RPH3AL: variants seen among roughly 807,000 people sequenced by gnomAD.
RPH3AL encodes the protein rab effector Noc2.
RPH3AL carries 38 observed loss-of-function variants against 43.1 expected under a neutral mutation model. The ratio of observed to expected loss-of-function variants is 0.88; its 90% CI spans 0.68 to 1.15. The LOEUF is 1.15. Ranked by LOEUF, RPH3AL falls within the 50% of genes most tolerant of loss-of-function variation. The probability of loss-of-function intolerance (pLI) is 0.00; values close to 1 mark genes in which losing one functional copy is unlikely to be tolerated. For synonymous variants in RPH3AL, 189 were observed against 176.3 expected (o/e 1.07, Z -0.57); for missense variants, 462 against 423.2 (o/e 1.09, Z -0.81).
chr17:278,209 T>A (rs2042700608), intron 6 of RPH3AL, among the ~76,000 whole-genome samples: 2 of 152,172 alleles, frequency 1.3e-5, no homozygotes, highest in South Asian at 4.1e-4. Context: ...TCACGAGATC[T>A]GATGGTTTTA....
intron 2 of RPH3AL, among the ~76,000 whole-genome samples, chr17:329,642 T>C (rs1384582466): frequency 6.6e-6 from 1 of 152,256 alleles, no homozygotes; most frequent in East Asian, 1.9e-4. Flanking sequence ...ACATATTTTA[T>C]GAAAAACTAC....
chr17:304,850 C>T (rs1388769220), intron 5 of RPH3AL, among the ~76,000 whole-genome samples: 2 of 148,140 alleles, frequency 1.4e-5, no homozygotes, highest in East Asian at 2.0e-4. Flanking sequence ...TGTTTCTGTA[C>T]CAAGTGGTAC....
chr17:230,793 TG>T lies in RPH3AL; in HGVS notation c.614-11058del, dbSNP rs138718581. Reference sequence around the variant, plus strand: ...TCCAGCCTTTCTCTCCGTGTGTCTCTGGGGCCTTCACTGTTCTTCCACCTCA... The same window carrying T: ...TCCAGCCTTTCTCTCCGTGTGTCTCTGGGCCTTCACTGTTCTTCCACCTCA... On this transcript the variant is annotated intron_variant, in intron 7 of 9. Coordinates refer to ENST00000331302, the MANE Select transcript of RPH3AL (RefSeq NM_006987.4). 4.0e-3 allele frequency among the ~76,000 whole-genome samples: 616 copies of T among 152,342 alleles called. 7 individuals are homozygous for T. The highest frequency in any genetic ancestry group is 0.014 in the African/African-American group (596 of 41,566).
intron 5 of RPH3AL, among the ~76,000 whole-genome samples, chr17:315,032 T>C (rs1466073967): frequency 1.5e-4 from 22 of 149,502 alleles, no homozygotes; most frequent in Middle Eastern, 3.5e-3. Flanking sequence ...CATTGACCTG[T>C]AGTCCCTGTA....
chr17:234,489 G>C (rs536447352), intron 7 of RPH3AL: 1 of 165,018 alleles, frequency 6.1e-6, no homozygotes, highest in South Asian at 1.3e-4. Context: ...AAAAATGAGA[G>C]TTCTCCACAT....
rs2041783266 is a variant in RPH3AL, at chr17:247,071, C to A, written c.613+40G>T. The A allele has an allele frequency of 2.5e-6, 4 of 1,612,232 alleles. No homozygotes were observed. The South Asian group carries it at 4.4e-5, about 18-fold the overall frequency. ...CTGCCGGGCTGGCTAATGACCCAAACTTTACAGGCCATCCTGGGAGAGAGG... is the reference window on the plus strand; with the variant it reads ...CTGCCGGGCTGGCTAATGACCCAAAATTTACAGGCCATCCTGGGAGAGAGG... On this transcript the variant is annotated intron_variant, in intron 7 of 9. Transcript: ENST00000331302.
chr17:220,038 T>C (rs1225450471), intron 7 of RPH3AL, among the ~76,000 whole-genome samples: 1 of 152,150 alleles, frequency 6.6e-6, no homozygotes, highest in Non-Finnish European at 1.5e-5. Flanking sequence ...GTTCCTCTAG[T>C]GGAACCAGAA....
At chr17:351,273 T>TC (rs2045348929) in intron 1 of RPH3AL, among the ~76,000 whole-genome samples, 1 of 152,082 alleles carries the variant, frequency 6.6e-6, no homozygotes, top group Admixed American at 6.6e-5. Flanking sequence ...CTGCCTCCAG[T>TC]CCTGGTATCC....
At chr17:321,794 C>T (rs1413488620) in intron 3 of RPH3AL, among the ~76,000 whole-genome samples, 1 of 152,100 alleles carries the variant, frequency 6.6e-6, no homozygotes, top group Non-Finnish European at 1.5e-5. Context: ...AGCGCCAGCC[C>T]TGCCATCCGC....
chr17:214,538 G>A (rs570855270), intron 9 of RPH3AL, among the ~76,000 whole-genome samples: 1 of 152,324 alleles, frequency 6.6e-6, no homozygotes, highest in African/African-American at 2.4e-5. Context: ...GGCCAAGGTG[G>A]GAGGACTGTT....
chr17:248,559 C>T (rs2041818304), intron 6 of RPH3AL, among the ~76,000 whole-genome samples: 1 of 152,174 alleles, frequency 6.6e-6, no homozygotes, highest in Non-Finnish European at 1.5e-5. Context: ...GGCAGAGCCC[C>T]AGGAATCCAG....
intron 6 of RPH3AL, among the ~76,000 whole-genome samples, chr17:281,378 C>T (rs1236384014): frequency 6.6e-6 from 1 of 152,098 alleles, no homozygotes; most frequent in Non-Finnish European, 1.5e-5. Flanking sequence ...ATGCAAGGAA[C>T]TTATGGCAGT....
chr17:273,795 G>A (rs536529336), intron 6 of RPH3AL, among the ~76,000 whole-genome samples: 3 of 152,204 alleles, frequency 2.0e-5, no homozygotes, highest in Admixed American at 6.5e-5. Flanking sequence ...GTGGCTGCCG[G>A]GTTATAATCA....
In RPH3AL at chr17:290,133, A is replaced by G. The variant is rs1226231682; in HGVS notation, c.352-8279T>C. On this transcript the variant is annotated intron_variant, in intron 5 of 9. Transcript: ENST00000331302. The surrounding 1 kb of genome is among the most constrained non-coding windows in gnomAD (Gnocchi z 4.2). ...AGCAAGACAGGCTCCCTCCCGGAAC[A>G]TGCCGACCTGCCGGGAAGACAAGCT... is the stretch of plus-strand genomic sequence containing the variant. Among the ~76,000 whole-genome samples, 8 of 152,254 alleles carry G rather than the reference A, an allele frequency of 5.3e-5. No homozygotes were observed. The highest frequency in any genetic ancestry group is 2.0e-4 in the Admixed American group (3 of 15,288).
chr17:247,493 C>G, intron 6 of RPH3AL: 1 of 526,444 alleles, frequency 1.9e-6, no homozygotes, highest in Non-Finnish European at 3.3e-6. Flanking sequence ...TTCTTTCTCT[C>G]CCTTATTTTA....
chr17:331,522 G>A, intron 2 of RPH3AL: 1 of 1,226,974 alleles, frequency 8.2e-7, no homozygotes, highest in South Asian at 1.4e-5. Flanking sequence ...AGAAGGCACA[G>A]CTGTCCTTCA....
intron 5 of RPH3AL, among the ~76,000 whole-genome samples, chr17:282,956 G>A (rs536341289): frequency 1.6e-4 from 25 of 152,330 alleles, no homozygotes; most frequent in East Asian, 7.7e-4. Flanking sequence ...CAGTTCTTAC[G>A]TTGCTTCCCC....
rs371075066 is a variant in RPH3AL, at chr17:245,722, G to A, written c.613+1389C>T. Among the ~76,000 whole-genome samples, 39 of 152,170 alleles carry A rather than the reference G, an allele frequency of 2.6e-4. 1 individual carries two copies. Among genetic ancestry groups the A allele is most frequent in the African/African-American group, 3.6e-4 (15 of 41,526 alleles). The stretch of plus-strand genomic sequence containing the variant: ...TGGCAGAGGGACCAGGTGGAGGACC[G>A]CCACTTCTCCAGCCAATCTCGGGCC... On this transcript the variant is annotated intron_variant, in intron 7 of 9. Transcript: ENST00000331302. The surrounding 1 kb of genome is among the most constrained non-coding windows in gnomAD (Gnocchi z 5.9).
intron 7 of RPH3AL, among the ~76,000 whole-genome samples, chr17:223,139 G>C (rs963571416): frequency 2.6e-5 from 4 of 150,986 alleles, no homozygotes; most frequent in African/African-American, 9.7e-5. Flanking sequence ...GCAGTGAGCT[G>C]AGATTGCGCC....
Sources: gnomAD v4.1 joint callset for allele counts (sites outside exome capture counted in the v4.1 genomes callset) on GRCh38, gnomAD v4.1.1 for gene constraint, Gnocchi (gnomAD v3.1) non-coding constraint, MANE v1.5 for transcripts, NCBI Gene and HGNC (gene_info 2026-07-23, HGNC 2026-07-21) for gene names.